PRLR: variants seen among roughly 807,000 people sequenced by gnomAD.
PRLR encodes hPRL receptor.
In PRLR, 13 loss-of-function variants were observed where a neutral mutation model predicts 40.2. That is an observed-to-expected ratio of 0.32 (90% confidence interval 0.21 to 0.51). PRLR has a LOEUF of 0.51. Among genes scored for constraint, PRLR ranks in the 20% least tolerant of loss-of-function variants. The probability of loss-of-function intolerance (pLI) is 0.97; values close to 1 mark genes in which losing one functional copy is unlikely to be tolerated. For synonymous variants in PRLR, 269 were observed against 278.7 expected (o/e 0.97, Z 0.35); for missense variants, 656 against 747.3 (o/e 0.88, Z 1.42).
In PRLR at chr5:35,061,387, G is replaced by A; in HGVS notation, c.*3702C>T. The A allele has an allele frequency of 6.6e-6, 1 of 152,182 alleles. No individual in the cohort carries two copies. The highest frequency in any genetic ancestry group is 1.9e-4 in the East Asian group (1 of 5,186). 9.4% of individuals were successfully genotyped at this position (152,182 alleles called of 1,614,324 possible). On this transcript the variant is annotated 3_prime_UTR_variant, in exon 10 of 10. Coordinates refer to ENST00000618457, the MANE Select transcript of PRLR (RefSeq NM_000949.7). Reference sequence around the variant, plus strand: ...GCTAAACTGCAACTTGGAATGCAGGGACCTCTGGTTGCTCAATAACTCATA... The same window carrying A: ...GCTAAACTGCAACTTGGAATGCAGGAACCTCTGGTTGCTCAATAACTCATA...
intron 1 of PRLR, among the ~76,000 whole-genome samples, chr5:35,190,732 G>T (rs1561356933): frequency 6.6e-6 from 1 of 152,110 alleles, no homozygotes; most frequent in Non-Finnish European, 1.5e-5. Context: ...CACTTTAGGG[G>T]TGAATGATCT....
intron 1 of PRLR, among the ~76,000 whole-genome samples, chr5:35,152,127 A>G (rs1407140516): frequency 1.3e-5 from 2 of 152,222 alleles, no homozygotes; most frequent in African/African-American, 4.8e-5. Context: ...GAAGTTATAC[A>G]GGTATAATCC....
intron 1 of PRLR, among the ~76,000 whole-genome samples, chr5:35,121,704 G>A (rs890887851): frequency 1.3e-5 from 2 of 152,112 alleles, no homozygotes; most frequent in African/African-American, 4.8e-5. Flanking sequence ...TATGAGGTAG[G>A]CACTATTATT....
At chr5:35,112,906 A>C (rs370117213) in intron 2 of PRLR, among the ~76,000 whole-genome samples, 3 of 152,156 alleles carry the variant, frequency 2.0e-5, no homozygotes, top group East Asian at 3.8e-4. Context: ...CCAGAGTATT[A>C]ATAGTCAGGG....
Position 35,057,053 on chromosome 5 carries a change from G to T in PRLR, c.*8036C>A, listed in dbSNP as rs1310859841. ...TCAGAAAAGATGTTGTTAATAATAT[G>T]GATAAATAATAACTGTTCAAAAGGA... is the stretch of plus-strand genomic sequence containing the variant. On this transcript the variant is annotated 3_prime_UTR_variant, in exon 10 of 10. Coordinates refer to ENST00000618457, the MANE Select transcript of PRLR (RefSeq NM_000949.7). 1.3e-5 allele frequency: 2 copies of T among 152,060 alleles called. No homozygotes were observed. Among genetic ancestry groups the T allele is most frequent in the African/African-American group, 2.4e-5 (1 of 41,414 alleles). The allele number at this position is 152,060 out of a possible 1,614,324, so 9.4% of individuals were successfully genotyped here.
At chr5:35,215,132 A>G (rs1776254843) in intron 1 of PRLR, among the ~76,000 whole-genome samples, 1 of 152,172 alleles carries the variant, frequency 6.6e-6, no homozygotes, top group South Asian at 2.1e-4. Flanking sequence ...AAAAAAAGTC[A>G]TCTTCCTTGC....
intron 1 of PRLR, among the ~76,000 whole-genome samples, chr5:35,187,676 T>C (rs1004063165): frequency 6.6e-6 from 1 of 152,132 alleles, no homozygotes; most frequent in Non-Finnish European, 1.5e-5. Context: ...CTTCAAATAA[T>C]AGTGAAAATC....
chr5:35,152,224 A>C (rs1336390336), intron 1 of PRLR, among the ~76,000 whole-genome samples: 1 of 152,210 alleles, frequency 6.6e-6, no homozygotes, highest in Non-Finnish European at 1.5e-5. Context: ...TCACTGGGGC[A>C]TAGCAATTTT....
At chr5:35,114,297 T>C (rs1476617740) in intron 2 of PRLR, among the ~76,000 whole-genome samples, 2 of 152,320 alleles carry the variant, frequency 1.3e-5, no homozygotes, top group Admixed American at 6.5e-5. Flanking sequence ...TTTCTGAGCA[T>C]GAGTATCTTT....
intron 1 of PRLR, among the ~76,000 whole-genome samples, chr5:35,132,215 A>G (rs1773709657): frequency 1.3e-5 from 2 of 152,164 alleles, no homozygotes; most frequent in Admixed American, 6.5e-5. Context: ...TTAAACCTTC[A>G]TGTTCTAGGT....
chr5:35,191,832 T>G (rs1775615697), intron 1 of PRLR, among the ~76,000 whole-genome samples: 1 of 152,198 alleles, frequency 6.6e-6, no homozygotes, highest in Admixed American at 6.5e-5. Flanking sequence ...GGCTGCACCC[T>G]TACGATTTCA....
chr5:35,224,879 C>A (rs961669101), intron 1 of PRLR, among the ~76,000 whole-genome samples: 13 of 151,448 alleles, frequency 8.6e-5, no homozygotes, highest in African/African-American at 3.2e-4. Context: ...AAAATTATAT[C>A]TTTATTTCAT....
chr5:35,054,228 C>T (rs2217286), downstream of PRLR, among the ~76,000 whole-genome samples: 23,414 of 152,100 alleles, frequency 0.15, 2,054 homozygotes, highest in African/African-American at 0.23. Flanking sequence ...AGTAAAACTG[C>T]TTTGGAGAGG....
intron 1 of PRLR, among the ~76,000 whole-genome samples, chr5:35,151,105 T>G (rs1457346736): frequency 6.6e-6 from 1 of 152,232 alleles, no homozygotes; most frequent in African/African-American, 2.4e-5. Flanking sequence ...TTTCTAGCTC[T>G]CCTTCCTTTC....
At chr5:35,111,445 A>G (rs982796570) in intron 2 of PRLR, among the ~76,000 whole-genome samples, 1 of 152,218 alleles carries the variant, frequency 6.6e-6, no homozygotes, top group South Asian at 2.1e-4. Flanking sequence ...TTAGGGTAAT[A>G]TATTTTAAAA....
intron 1 of PRLR, among the ~76,000 whole-genome samples, chr5:35,224,289 C>A (rs1776497200): frequency 6.6e-6 from 1 of 152,206 alleles, no homozygotes; most frequent in South Asian, 2.1e-4. Context: ...CAGCTTCCCA[C>A]AGCTAGGGAG....
chr5:35,133,466 G>T (rs1773750473), intron 1 of PRLR, among the ~76,000 whole-genome samples: 1 of 152,130 alleles, frequency 6.6e-6, no homozygotes, highest in South Asian at 2.1e-4. Flanking sequence ...ACAGCAAACT[G>T]ATTCTTTAGG....
At chr5:35,158,515 A>AT (rs76182715) in intron 1 of PRLR, among the ~76,000 whole-genome samples, 30,516 of 151,932 alleles carry the variant, frequency 0.2, 3,227 homozygotes, top group Middle Eastern at 0.23. Flanking sequence ...ACATTCTTTC[A>AT]TTTTCAGAAC....
At chr5:35,118,208 C>T (rs1004694791) in intron 1 of PRLR, 86 bp from the exon 2 acceptor site, 7 of 637,776 alleles carry the variant, frequency 1.1e-5, no homozygotes, top group Non-Finnish European at 1.4e-5. Flanking sequence ...CGTAGCATGG[C>T]TGAACATTGG....
Sources: gnomAD v4.1 joint callset for allele counts (sites outside exome capture counted in the v4.1 genomes callset) on GRCh38, gnomAD v4.1.1 for gene constraint, MANE v1.5 for transcripts, NCBI Gene and HGNC (gene_info 2026-07-23, HGNC 2026-07-21) for gene names.